Variants in MTMR9 observed in about 807,000 individuals in gnomAD.
MTMR9 encodes the protein myotubularin related protein 9.
A neutral mutation model predicts 69.5 loss-of-function variants in MTMR9; 39 were observed. The ratio of observed to expected loss-of-function variants is 0.56; its 90% CI spans 0.43 to 0.73. MTMR9 has a LOEUF of 0.73. MTMR9 is among the 30% of genes least tolerant of loss of function. The pLI, the probability that MTMR9 is intolerant of heterozygous loss-of-function variation, is 0.00. For missense variants in MTMR9, 900 were observed against 671.2 expected (o/e 1.34, Z -3.77); for synonymous variants, 354 against 240.8 (o/e 1.47, Z -4.35).
Position 11,325,490 on chromosome 8 carries a change from A to T in MTMR9, c.*2702A>T, listed in dbSNP as rs1455472533. 3 of 152,192 alleles carry T rather than the reference A, an allele frequency of 2.0e-5. No homozygotes were observed. The highest frequency in any genetic ancestry group is 3.8e-4 in the East Asian group (2 of 5,196). 9.4% of individuals were successfully genotyped at this position (152,192 alleles called of 1,614,324 possible). On this transcript the variant is annotated 3_prime_UTR_variant, in exon 10 of 10. Coordinates refer to ENST00000221086, the MANE Select transcript of MTMR9 (RefSeq NM_015458.4). ...GGGGCCGGTAATAATCACGTGAGGG[A>T]TAATCAGATTCCTGCGTATTCAGCA... is the stretch of plus-strand genomic sequence containing the variant.
chr8:11,303,014 A>G (rs930477290), intron 3 of MTMR9, among the ~76,000 whole-genome samples: 1 of 151,918 alleles, frequency 6.6e-6, no homozygotes, highest in Admixed American at 6.6e-5. Context: ...GAGAGACTGA[A>G]TATTCTAAAG....
intron 1 of MTMR9, among the ~76,000 whole-genome samples, chr8:11,286,691 A>G (rs74870872): frequency 0.36 from 37,203 of 102,588 alleles, 7,795 homozygotes; most frequent in East Asian, 0.66. Context: ...AAAAAAAAAA[A>G]GTCTTCAGTG....
chr8:11,285,140 C>A (rs1046292103), intron 1 of MTMR9, 70 bp downstream of exon 1: 2 of 1,421,746 alleles, frequency 1.4e-6, no homozygotes. Flanking sequence ...GGAAATACTT[C>A]CTGGCGTTTT....
At chr8:11,285,943 TCTTTC>T in intron 1 of MTMR9, among the ~76,000 whole-genome samples, 1 of 146,620 alleles carries the variant, frequency 6.8e-6, no homozygotes, top group African/African-American at 2.6e-5. Flanking sequence ...TCTCTTTCTT[TCTTTC>T]TTTTTTTTTT....
rs139630635 is a variant in MTMR9 at position 11,315,027 on chromosome 8, G to C, written c.1076G>C (p.Arg359Pro). The change falls in exon 7 of 10, where the codon CGT becomes CCT. Residue 359 changes from arginine (R) to proline (P), a missense_variant. Coordinates refer to ENST00000221086, the MANE Select transcript of MTMR9 (RefSeq NM_015458.4). Reference protein sequence around the residue: ...IILEPRSRTIRGFEALIEREW... With the variant: ...IILEPRSRTIPGFEALIEREW... Reference sequence around the variant, plus strand: ...TTAGAGCCAAGAAGCAGGACCATTCGTGGTTTTGAGGCCCTGATTGAAAGA... The same window carrying C: ...TTAGAGCCAAGAAGCAGGACCATTCCTGGTTTTGAGGCCCTGATTGAAAGA... 5.7e-3 allele frequency: 9,249 copies of C among 1,613,864 alleles called. 24 individuals are homozygous for C. The highest frequency in any genetic ancestry group is 7.1e-3 in the Non-Finnish European group (8,323 of 1,179,802).
intron 1 of MTMR9, chr8:11,294,911 A>G: frequency 4.9e-6 from 1 of 204,140 alleles, no homozygotes; most frequent in Non-Finnish European, 9.7e-6. Context: ...TTAGTTACAG[A>G]TCTTTTTCCT....
chr8:11,317,949 T>C (rs558852113), intron 8 of MTMR9: 3 of 152,196 alleles, frequency 2.0e-5, no homozygotes, highest in East Asian at 1.9e-4. Context: ...CAAGGAAGTT[T>C]GGTGAATATG....
chr8:11,321,176 C>T (rs932551311), intron 9 of MTMR9: 30 of 270,076 alleles, frequency 1.1e-4, no homozygotes, highest in Non-Finnish European at 1.9e-4. Flanking sequence ...TTGAAGTGTC[C>T]CCTAGTTAGC....
At chr8:11,301,674 A>G (rs1799753365) in intron 3 of MTMR9, among the ~76,000 whole-genome samples, 1 of 152,250 alleles carries the variant, frequency 6.6e-6, no homozygotes, top group South Asian at 2.1e-4. Context: ...ACACAGGTGT[A>G]TACAACTGTC....
chr8:11,304,774 A>G (rs1166363963), intron 3 of MTMR9, 67 bp from the exon 4 acceptor site: 1 of 1,532,444 alleles, frequency 6.5e-7, no homozygotes, highest in East Asian at 2.3e-5. Context: ...AGGTCTTTTA[A>G]AATTTCTCAG....
At chr8:11,302,442 C>T (rs189787270) in intron 3 of MTMR9, among the ~76,000 whole-genome samples, 442 of 151,982 alleles carry the variant, frequency 2.9e-3, no homozygotes, top group African/African-American at 0.01. Flanking sequence ...TGTTGTTGTT[C>T]AGCTACTGAA....
At chr8:11,285,120 G>A in intron 1 of MTMR9, 50 bp downstream of exon 1, 1 of 1,464,090 alleles carries the variant, frequency 6.8e-7, no homozygotes. Flanking sequence ...GGTCCCTTGT[G>A]GGCGCCCCGG....
At chr8:11,285,215 C>G in intron 1 of MTMR9, 145 bp downstream of exon 1, 1 of 818,710 alleles carries the variant, frequency 1.2e-6, no homozygotes, top group Non-Finnish European at 1.8e-6. Context: ...TCAGGATTTA[C>G]CAAGCTGAAA....
In MTMR9 at chr8:11,308,408, C is replaced by G. The variant is rs555961547; in HGVS notation, c.810-1119C>G. Among the ~76,000 whole-genome samples, 87 of 152,270 alleles carry G rather than the reference C, an allele frequency of 5.7e-4. No individual in the cohort carries two copies. The Middle Eastern group carries it at 0.01, about 18-fold the overall frequency. On this transcript the variant is annotated intron_variant, in intron 5 of 9. Transcript: ENST00000221086. ...ATTAGTCAATGTGTCTGTTTTTATG[C>G]CAGTGCCAAGCTGTTTTGATTACTT...
At chr8:11,301,151 G>A (rs540697736) in intron 3 of MTMR9, among the ~76,000 whole-genome samples, 154 of 152,262 alleles carry the variant, frequency 1.0e-3, no homozygotes, top group African/African-American at 3.5e-3. Flanking sequence ...TCTAATAGGT[G>A]TTTTTGTAGA....
chr8:11,293,908 C>T lies in MTMR9; in HGVS notation c.183-1286C>T, dbSNP rs148889954. 3.9e-3 allele frequency among the ~76,000 whole-genome samples: 600 copies of T among 152,280 alleles called. 6 individuals are homozygous for T. The highest frequency in any genetic ancestry group is 0.013 in the African/African-American group (541 of 41,556). ...TTTTTCTGTTCAGTTGATCTGTTAT[C>T]ATCATGTCATTTTCACACTGTCTTA... On this transcript the variant is annotated intron_variant, in intron 1 of 9. Transcript: ENST00000221086.
intron 9 of MTMR9, 73 bp from the exon 10 acceptor site, chr8:11,322,552 T>C: frequency 7.7e-7 from 1 of 1,291,752 alleles, no homozygotes; most frequent in Admixed American, 1.9e-5. Flanking sequence ...AAATTACATC[T>C]TATCCACAAA....
chr8:11,331,151 C>T (rs781133735), downstream of MTMR9: 1 of 1,611,272 alleles, frequency 6.2e-7, no homozygotes. Flanking sequence ...ACTCCACACA[C>T]CCATCGCCGC....
rs1444301200 is a variant in MTMR9, at chr8:11,324,459, G to A, written c.*1671G>A. On this transcript the variant is annotated 3_prime_UTR_variant, in exon 10 of 10. Coordinates refer to ENST00000221086, the MANE Select transcript of MTMR9 (RefSeq NM_015458.4). ...TAAAATCCCATGGCAAGGAGCATAAGAGATGTTCTCGTAGCTCTGCGTTGT... is the reference window on the plus strand; with the variant it reads ...TAAAATCCCATGGCAAGGAGCATAAAAGATGTTCTCGTAGCTCTGCGTTGT... 6.8e-6 allele frequency: 1 copy of A among 146,678 alleles called. No individual in the cohort carries two copies. The highest frequency in any genetic ancestry group is 1.5e-5 in the Non-Finnish European group (1 of 67,382). 9.1% of individuals were successfully genotyped at this position (146,678 alleles called of 1,614,324 possible).
Sources: allele counts gnomAD v4.1 joint callset (sites outside exome capture counted in the v4.1 genomes callset), GRCh38; gene constraint gnomAD v4.1.1; transcripts MANE v1.5; gene names NCBI Gene and HGNC (gene_info 2026-07-23, HGNC 2026-07-21).